Variants in CCT6A observed in about 807,000 individuals in gnomAD.
CCT6A encodes chaperonin containing TCP1 subunit 6A.
A neutral mutation model predicts 58.6 loss-of-function variants in CCT6A; 6 were observed. The ratio of observed to expected loss-of-function variants is 0.10; its 90% CI spans 0.06 to 0.20. CCT6A has a LOEUF of 0.20. Among genes scored for constraint, CCT6A ranks in the 10% least tolerant of loss-of-function variants. CCT6A has a pLI of 1.00. For missense variants in CCT6A, 516 were observed against 648.8 expected (o/e 0.80, Z 2.22); for synonymous variants, 245 against 227.8 (o/e 1.08, Z -0.68).
At chr7:56,053,225 A>G (rs932712375) in intron 2 of CCT6A, among the ~76,000 whole-genome samples, 8 of 152,328 alleles carry the variant, frequency 5.3e-5, no homozygotes, top group African/African-American at 1.9e-4. Flanking sequence ...CTTTTTACTC[A>G]TCCCTAAATT....
rs546307321 is a variant in CCT6A, at chr7:56,058,414, G to A, written c.778G>A (p.Val260Met). The A allele has an allele frequency of 5.6e-6, 9 of 1,603,998 alleles. No homozygotes were observed. In the East Asian group the frequency reaches 8.9e-5, roughly 16 times the overall value. Residue 260 changes from valine (V) to methionine (M), a missense_variant, in exon 7 of 14, where the codon GTG becomes ATG. Val to Met is a conservative substitution (Grantham distance 21). Coordinates refer to ENST00000275603, the MANE Select transcript of CCT6A (RefSeq NM_001762.4). Reference sequence around the variant, plus strand: ...GAGTGCAGAAGAGAGAGAAAAACTCGTGAAAGCTGAAAGAAAATTCATTGA... The same window carrying A: ...GAGTGCAGAAGAGAGAGAAAAACTCATGAAAGCTGAAAGAAAATTCATTGA... ...YKSAEEREKL[V>M]KAERKFIEDR...
chr7:56,054,267 T>A (rs1253363764), intron 2 of CCT6A, 102 bp from the exon 3 acceptor site: 10 of 933,620 alleles, frequency 1.1e-5, no homozygotes, highest in Admixed American at 9.3e-5. Context: ...GGTAGCTTTT[T>A]CAAGTAGATA....
chr7:56,059,684 G>T, intron 9 of CCT6A, 44 bp downstream of exon 9: 1 of 969,596 alleles, frequency 1.0e-6, no homozygotes, highest in Non-Finnish European at 1.7e-6. Flanking sequence ...CTTTTAGCTC[G>T]TGAATTATTT....
At chr7:56,060,445 T>G (rs766930562) in intron 10 of CCT6A, 29 bp downstream of exon 10, 7 of 1,611,392 alleles carry the variant, frequency 4.3e-6, no homozygotes, top group Non-Finnish European at 5.1e-6. Context: ...TTCAATTCTT[T>G]TATATTGTTT....
At chr7:56,056,197 GACTT>G in intron 4 of CCT6A, 110 bp from the exon 5 acceptor site, 1 of 716,070 alleles carries the variant, frequency 1.4e-6, no homozygotes, top group South Asian at 1.5e-5. Context: ...GATAGAAAAA[GACTT>G]AAATCAGTGT....
chr7:56,056,243 C>T, intron 4 of CCT6A, 68 bp from the exon 5 acceptor site: 1 of 849,186 alleles, frequency 1.2e-6, no homozygotes, highest in South Asian at 1.3e-5. Context: ...CTACTTTAGC[C>T]TTCTGAAAAG....
chr7:56,063,247 T>G lies in CCT6A; in HGVS notation c.*162T>G, dbSNP rs1056814826. 3 of 618,166 alleles carry G rather than the reference T, an allele frequency of 4.9e-6. No homozygotes were observed. Among genetic ancestry groups the G allele is most frequent in the African/African-American group, 3.7e-5 (2 of 54,048 alleles). The allele number at this position is 618,166 out of a possible 1,614,324, so 38.3% of individuals were successfully genotyped here. A position where few individuals can be genotyped will look rare whatever the true frequency, so the allele number is the denominator to read the frequency against. ...CTGTTGAAATTTGGAAGTTCTGAAA[T>G]TATAGTATTTTTAAAAATTGCACTG... On this transcript the variant is annotated 3_prime_UTR_variant, in exon 14 of 14. Transcript: ENST00000275603.
chr7:56,063,097 C>T lies in CCT6A; in HGVS notation c.*12C>T. 6.4e-7 allele frequency: 1 copy of T among 1,563,060 alleles called. No homozygotes were observed. The highest frequency in any genetic ancestry group is 8.8e-7 in the Non-Finnish European group (1 of 1,133,496). On this transcript the variant is annotated 3_prime_UTR_variant, in exon 14 of 14. Coordinates refer to ENST00000275603, the MANE Select transcript of CCT6A (RefSeq NM_001762.4). ...CTCTGAAAGGTTGAATTGAAGCTTC[C>T]TCTGTATCTGAATCTTGAAGACTGC...
chr7:56,053,708 A>G (rs1246246179), intron 2 of CCT6A, among the ~76,000 whole-genome samples: 3 of 152,196 alleles, frequency 2.0e-5, no homozygotes, highest in Admixed American at 2.0e-4. Context: ...CGGTGAGCCA[A>G]GATTGTGCCA....
chr7:56,057,355 C>T (rs56036211), intron 5 of CCT6A, among the ~76,000 whole-genome samples: 5 of 134,624 alleles, frequency 3.7e-5, no homozygotes, highest in Non-Finnish European at 8.5e-5. Context: ...TTTGTTTTCC[C>T]TTTGGGGTGT....
At chr7:56,058,774 T>C (rs1794368390) in intron 8 of CCT6A, 72 bp downstream of exon 8, 6 of 992,212 alleles carry the variant, frequency 6.0e-6, no homozygotes, top group Non-Finnish European at 7.8e-6. Flanking sequence ...TATACTTTAT[T>C]TTTGGGTTTT....
At chr7:56,057,680 A>T (rs1024256856) in intron 5 of CCT6A, among the ~76,000 whole-genome samples, 2 of 152,194 alleles carry the variant, frequency 1.3e-5, no homozygotes, top group African/African-American at 4.8e-5. Flanking sequence ...GGAGATCGAA[A>T]CCATCCTGGC....
intron 9 of CCT6A, 51 bp downstream of exon 9, chr7:56,059,691 A>T: frequency 1.1e-6 from 1 of 944,256 alleles, no homozygotes. Flanking sequence ...CTCGTGAATT[A>T]TTTTTGTTTG....
At position 56,055,858 on chromosome 7, in the gene CCT6A, T is replaced by C; in HGVS notation, c.510+61T>C. 10 of 1,236,772 alleles carry C rather than the reference T, an allele frequency of 8.1e-6. No individual in the cohort carries two copies. In the South Asian group the frequency reaches 1.4e-4, roughly 17 times the overall value. 76.6% of individuals were successfully genotyped at this position (1,236,772 alleles called of 1,614,324 possible). A position where few individuals can be genotyped will look rare whatever the true frequency, so the allele number is the denominator to read the frequency against. ...TACCTATATAGAAAATCTCTGATAG[T>C]AGAAACATGAATATGATTACCAATT... On this transcript the variant is annotated intron_variant, in intron 4 of 13. Transcript: ENST00000275603.
At chr7:56,057,391 A>G (rs77803671) in intron 5 of CCT6A, among the ~76,000 whole-genome samples, 1,619 of 151,968 alleles carry the variant, frequency 0.011, 32 homozygotes, top group African/African-American at 0.036. Context: ...TGTGTGGAGA[A>G]TGGAGTCTCC....
In CCT6A at chr7:56,061,460, C is replaced by T. The variant is rs542819820; in HGVS notation, c.1348-287C>T. On this transcript the variant is annotated intron_variant, in intron 11 of 13. Coordinates refer to ENST00000275603, the MANE Select transcript of CCT6A (RefSeq NM_001762.4). Reference sequence around the variant, plus strand: ...GTGCGATCTCAGCTCACTGCAGCCTCAGCCTCTCGAGTAGCTGGGATTACA... The same window carrying T: ...GTGCGATCTCAGCTCACTGCAGCCTTAGCCTCTCGAGTAGCTGGGATTACA... Among the ~76,000 whole-genome samples, 21 of 147,886 alleles carry T rather than the reference C, an allele frequency of 1.4e-4. 1 individual carries two copies. Among genetic ancestry groups the T allele is most frequent in the Middle Eastern group, 3.5e-3 (1 of 284 alleles).
In CCT6A at chr7:56,063,373, A is replaced by G; in HGVS notation, c.*288A>G. 2.8e-6 allele frequency: 1 copy of G among 353,432 alleles called. No individual in the cohort carries two copies. Among genetic ancestry groups the G allele is most frequent in the South Asian group, 4.0e-5 (1 of 24,852 alleles). The allele number at this position is 353,432 out of a possible 1,614,324, so 21.9% of individuals were successfully genotyped here. A position where few individuals can be genotyped will look rare whatever the true frequency, so the allele number is the denominator to read the frequency against. ...CATGTTAGATAAGCATATGTTACTTACCTTGTTATTAAATATTTCTTGAAA... is the reference window on the plus strand; with the variant it reads ...CATGTTAGATAAGCATATGTTACTTGCCTTGTTATTAAATATTTCTTGAAA... On this transcript the variant is annotated 3_prime_UTR_variant, in exon 14 of 14. Transcript: ENST00000275603.
In CCT6A at chr7:56,055,551, A is replaced by G. The variant is rs1370237651; in HGVS notation, c.337-73A>G. On this transcript the variant is annotated intron_variant, in intron 3 of 13. Coordinates refer to ENST00000275603, the MANE Select transcript of CCT6A (RefSeq NM_001762.4). Reference sequence around the variant, plus strand: ...GATGATCCAGAACACTCCTTCAATAATTACCTGAACTTTATCATGAACTAT... The same window carrying G: ...GATGATCCAGAACACTCCTTCAATAGTTACCTGAACTTTATCATGAACTAT... 5 of 1,283,646 alleles carry G rather than the reference A, an allele frequency of 3.9e-6. No individual in the cohort carries two copies. The Admixed American group carries it at 9.1e-5, about 23-fold the overall frequency. 79.5% of individuals were successfully genotyped at this position (1,283,646 alleles called of 1,614,324 possible).
chr7:56,054,562 A>G, intron 3 of CCT6A, 59 bp downstream of exon 3: 1 of 1,515,592 alleles, frequency 6.6e-7, no homozygotes, highest in Non-Finnish European at 9.0e-7. Flanking sequence ...TCTGATATTT[A>G]TACAAATTGA....
Sources: gnomAD v4.1 joint callset for allele counts (sites outside exome capture counted in the v4.1 genomes callset) on GRCh38, gnomAD v4.1.1 for gene constraint, MANE v1.5 for transcripts, NCBI Gene and HGNC (gene_info 2026-07-23, HGNC 2026-07-21) for gene names.